EPN1: variants seen among roughly 807,000 people sequenced by gnomAD.
The protein encoded by EPN1 is epsin-1.
A neutral mutation model predicts 56.9 loss-of-function variants in EPN1; 25 were observed. The observed-to-expected ratio is 0.44, with a 90% CI of 0.32 to 0.61. The LOEUF (loss-of-function observed/expected upper bound fraction) is 0.61, where lower values mean the gene tolerates loss of function less well. Ranked by LOEUF, EPN1 falls within the 20% of genes least tolerant of loss-of-function variation. EPN1 has a pLI of 0.05. For synonymous variants in EPN1, 411 were observed against 361.8 expected, an observed-to-expected ratio of 1.14 and a Z score of -1.54; for missense variants, 785 against 823.7, an observed-to-expected ratio of 0.95 and a Z score of 0.58.
Position 55,691,102 on chromosome 19 carries a change from G to A in EPN1, c.763-652G>A, listed in dbSNP as rs974106980. On this transcript the variant is annotated intron_variant, in intron 6 of 10. Transcript: ENST00000270460. The surrounding 1 kb of genome is among the most constrained non-coding windows in gnomAD (Gnocchi z 5.6). ...CGGGCTCTGGTTAGCTGGGCCCGTCGTGTGCCCACTTCCAGAACACAGGAC... is the reference window on the plus strand; with the variant it reads ...CGGGCTCTGGTTAGCTGGGCCCGTCATGTGCCCACTTCCAGAACACAGGAC... Among the ~76,000 whole-genome samples the A allele has an allele frequency of 5.3e-5, 8 of 152,184 alleles. No individual in the cohort carries two copies. Among genetic ancestry groups the A allele is most frequent in the African/African-American group, 1.7e-4 (7 of 41,450 alleles).
At chr19:55,681,192 G>A (rs571499479) in intron 2 of EPN1, among the ~76,000 whole-genome samples, 44 of 152,340 alleles carry the variant, frequency 2.9e-4, no homozygotes, top group Middle Eastern at 3.4e-3. Flanking sequence ...CTCCCTGCAT[G>A]GCCTTGGGGG....
rs1203412218 is a variant in EPN1 at position 55,695,577 on chromosome 19, T to A, written c.*221T>A. 1 of 527,012 alleles carries A rather than the reference T, an allele frequency of 1.9e-6. No individual in the cohort carries two copies. Among genetic ancestry groups the A allele is most frequent in the African/African-American group, 1.9e-5 (1 of 52,166 alleles). The allele number at this position is 527,012 out of a possible 1,614,324, so 32.6% of individuals were successfully genotyped here. ...GGGAGCTGGCCAGAGGAGGACCCCT[T>A]TCCCGTGGCATTAGAAGGGGGAGGG... On this transcript the variant is annotated 3_prime_UTR_variant, in exon 11 of 11. Transcript: ENST00000270460. The surrounding 1 kb of genome is among the most constrained non-coding windows in gnomAD (Gnocchi z 4.4).
intron 7 of EPN1, among the ~76,000 whole-genome samples, chr19:55,692,480 T>C (rs1986623729): frequency 6.9e-6 from 1 of 144,744 alleles, no homozygotes; most frequent in African/African-American, 2.6e-5. Flanking sequence ...GGGAAGCCCC[T>C]CACCCCAGCT....
rs1323034565 is a variant in EPN1 at position 55,706,280 on chromosome 19, C to CTTTTTTTTTTTTTTTTTTTTT, written c.*10926_*10927insTTTTTTTTTTTTTTTTTTTTT. The CTTTTTTTTTTTTTTTTTTTTT allele has an allele frequency of 6.2e-5, 8 of 129,298 alleles. No homozygotes were observed. The highest frequency in any genetic ancestry group is 2.3e-4 in the East Asian group (1 of 4,294). The allele number at this position is 129,298 out of a possible 1,614,324, so 8.0% of individuals were successfully genotyped here. A position where few individuals can be genotyped will look rare whatever the true frequency, so the allele number is the denominator to read the frequency against. ...TTTCTTCCTTTCTTCTCTTTTTCTT[C>CTTTTTTTTTTTTTTTTTTTTT]TTCTTTTTTTTTTTTTTTTAAAAGA... On this transcript the variant is annotated 3_prime_UTR_variant, in exon 11 of 11. Coordinates refer to ENST00000270460, the MANE Select transcript of EPN1 (RefSeq NM_001130072.2).
intron 1 of EPN1, 145 bp from the exon 2 acceptor site, chr19:55,678,376 GAACTGA>G: frequency 1.2e-6 from 1 of 822,844 alleles, no homozygotes; most frequent in Non-Finnish European, 1.8e-6. Context: ...CCTGTTTGAG[GAACTGA>G]AACATGGATG....
chr19:55,701,307 A>C lies in EPN1; in HGVS notation c.*5951A>C, dbSNP rs561449268. 6.6e-6 allele frequency: 1 copy of C among 151,858 alleles called. No individual in the cohort carries two copies. The highest frequency in any genetic ancestry group is 6.6e-5 in the Admixed American group (1 of 15,250). The allele number at this position is 151,858 out of a possible 1,614,324, so 9.4% of individuals were successfully genotyped here. A position where few individuals can be genotyped will look rare whatever the true frequency, so the allele number is the denominator to read the frequency against. On this transcript the variant is annotated 3_prime_UTR_variant, in exon 11 of 11. Coordinates refer to ENST00000270460, the MANE Select transcript of EPN1 (RefSeq NM_001130072.2). ...CTACTAAAAATACAAAAATTAGCCT[A>C]GTGTGGTGGCGGGCACCTGTAATCC...
At chr19:55,693,735 C>T (rs1451593501) in intron 9 of EPN1, among the ~76,000 whole-genome samples, 2 of 152,172 alleles carry the variant, frequency 1.3e-5, no homozygotes, top group African/African-American at 4.8e-5. Flanking sequence ...GTACAGAAAC[C>T]TGTTTCCACT....
rs10638952 is a variant in EPN1, at chr19:55,706,229, C to CTCTT, written c.*10878_*10881dup. On this transcript the variant is annotated 3_prime_UTR_variant, in exon 11 of 11. Transcript: ENST00000270460. ...TTTATTTTTCTTTCTTCCTTTCCTC[C>CTCTT]TCTTTCTTCTCCTTTTTCCTCCTCT... The CTCTT allele has an allele frequency of 0.28, 41,981 of 150,030 alleles. 7,573 individuals carry two copies. The highest frequency in any genetic ancestry group is 0.51 in the African/African-American group (19,920 of 38,984). The allele number at this position is 150,030 out of a possible 1,614,324, so 9.3% of individuals were successfully genotyped here.
In EPN1 at chr19:55,692,749, A is replaced by T. The variant is rs1986651047; in HGVS notation, c.1130A>T (p.Asp377Val). ...TGGACACCGGCCCCGGCCTTCTCAG[A>T]TCCCTGGGGAGGGTCACCTGCCAAG... ...DPWTPAPAFS[D>V]PWGGSPAKPS... Residue 377 changes from aspartate to valine, a missense_variant, in exon 8 of 11, where the codon GAT becomes GTT. Asp to Val is a radical substitution (Grantham distance 152, BLOSUM62 -3). Coordinates refer to ENST00000270460, the MANE Select transcript of EPN1 (RefSeq NM_001130072.2). 6 of 1,583,756 alleles carry T rather than the reference A, an allele frequency of 3.8e-6. No individual in the cohort carries two copies. Among genetic ancestry groups the T allele is most frequent in the Non-Finnish European group, 4.3e-6 (5 of 1,165,662 alleles).
rs1413763632 is a variant in EPN1 at position 55,691,995 on chromosome 19, G to A, written c.1004G>A (p.Gly335Asp). 2.0e-6 allele frequency: 3 copies of A among 1,489,104 alleles called. No individual in the cohort carries two copies. Among genetic ancestry groups the A allele is most frequent in the South Asian group, 2.7e-5 (2 of 73,662 alleles). The allele number at this position is 1,489,104 out of a possible 1,614,324, so 92.2% of individuals were successfully genotyped here. Residue 335 changes from glycine to aspartate, a missense_variant, in exon 7 of 11, where the codon GGT (glycine) becomes GAT (aspartate). This residue lies in a region of EPN1 where 650 missense variants were observed against 605.0 expected (regional missense o/e 1.07). Coordinates refer to ENST00000270460, the MANE Select transcript of EPN1 (RefSeq NM_001130072.2). The surrounding 1 kb of genome is among the most constrained non-coding windows in gnomAD (Gnocchi z 5.6). ...APAGPSVDPW[G>D]GTPAPAAGEG... ...GCAGGACCCTCAGTTGACCCTTGGG[G>A]TGGGACCCCAGCCCCTGCAGCTGGG...
In EPN1 at chr19:55,675,279, C is replaced by G. The variant is rs1046250589; in HGVS notation, c.-258C>G. ...CCCTCCCCCGCCCGGCTCTCCGCGC[C>G]CCTTCTGGGCGGCGGGGCGGCGGAG... is the stretch of plus-strand genomic sequence containing the variant. On this transcript the variant is annotated 5_prime_UTR_variant, in exon 1 of 11. Coordinates refer to ENST00000270460, the MANE Select transcript of EPN1 (RefSeq NM_001130072.2). 3 of 152,046 alleles carry G rather than the reference C, an allele frequency of 2.0e-5. No individual in the cohort carries two copies. The highest frequency in any genetic ancestry group is 4.4e-5 in the Non-Finnish European group (3 of 67,964). The allele number at this position is 152,046 out of a possible 1,614,324, so 9.4% of individuals were successfully genotyped here.
Position 55,688,873 on chromosome 19 carries a change from C to G in EPN1, c.482C>G (p.Ser161Ter). ...KEKLAQTATA[S>*]SAAVGSGPPP... Reference sequence around the variant, plus strand: ...GCGTTTCTCACCCGCCCTCCAGCCTCATCAGCAGCTGTGGGCTCAGGCCCC... The same window carrying G: ...GCGTTTCTCACCCGCCCTCCAGCCTGATCAGCAGCTGTGGGCTCAGGCCCC... The change falls in exon 4 of 11, where the codon TCA becomes TGA. Residue 161 changes from serine to a stop codon, truncating the protein, a stop_gained. Transcript: ENST00000270460. LOFTEE classifies it high-confidence loss of function. The G allele has an allele frequency of 1.3e-6, 2 of 1,577,502 alleles. No homozygotes were observed. Among genetic ancestry groups the G allele is most frequent in the Non-Finnish European group, 1.7e-6 (2 of 1,161,874 alleles).
intron 2 of EPN1, among the ~76,000 whole-genome samples, chr19:55,679,798 G>A (rs2122164991): frequency 6.6e-6 from 1 of 152,336 alleles, no homozygotes; most frequent in African/African-American, 2.4e-5. Context: ...CCAGGATTGG[G>A]TTGAGTCATA....
chr19:55,689,149 C>T lies in EPN1; in HGVS notation c.604-148C>T, dbSNP rs1463991685. 1.6e-5 allele frequency: 19 copies of T among 1,158,756 alleles called. No homozygotes were observed. Among genetic ancestry groups the T allele is most frequent in the Non-Finnish European group, 2.1e-5 (17 of 827,064 alleles). 71.8% of individuals were successfully genotyped at this position (1,158,756 alleles called of 1,614,324 possible). ...CAGTCCTGCCTCATCCTCACCCCGC[C>T]GTCCCTCTGCGTGTCACTCTCTGCC... On this transcript the variant is annotated intron_variant, in intron 4 of 10. Transcript: ENST00000270460. The surrounding 1 kb of genome is among the most constrained non-coding windows in gnomAD (Gnocchi z 5.7).
chr19:55,679,676 C>G (rs1236774162), intron 2 of EPN1, among the ~76,000 whole-genome samples: 14 of 152,292 alleles, frequency 9.2e-5, no homozygotes. Flanking sequence ...GAGGGTGGTT[C>G]CCTCCACTCA....
chr19:55,682,919 G>T (rs919113479), intron 2 of EPN1, among the ~76,000 whole-genome samples: 11 of 152,010 alleles, frequency 7.2e-5, no homozygotes, highest in Non-Finnish European at 1.6e-4. Flanking sequence ...ACCACGCCTG[G>T]CTAATTTTTG....
rs1259282713 is a variant in EPN1, at chr19:55,697,061, A to G, written c.*1705A>G. On this transcript the variant is annotated 3_prime_UTR_variant, in exon 11 of 11. Coordinates refer to ENST00000270460, the MANE Select transcript of EPN1 (RefSeq NM_001130072.2). The stretch of plus-strand genomic sequence containing the variant: ...AGAGGAGCATCCCCCTTGCTTAGCC[A>G]GGGAGGGGAAGCCCTCTTCTCACAC... 1 of 152,190 alleles carries G rather than the reference A, an allele frequency of 6.6e-6. No homozygotes were observed. The highest frequency in any genetic ancestry group is 2.4e-5 in the African/African-American group (1 of 41,444). 9.4% of individuals were successfully genotyped at this position (152,190 alleles called of 1,614,324 possible).
intron 6 of EPN1, 73 bp downstream of exon 6, chr19:55,690,023 C>A: frequency 1.4e-6 from 2 of 1,386,364 alleles, no homozygotes; most frequent in African/African-American, 1.4e-5. Flanking sequence ...TCCTGCGTGG[C>A]CAGGTCCCTG....
At position 55,689,419 on chromosome 19, in the gene EPN1, A is replaced by T; in HGVS notation, c.678+48A>T. 1 of 1,444,100 alleles carries T rather than the reference A, an allele frequency of 6.9e-7. No individual in the cohort carries two copies. The highest frequency in any genetic ancestry group is 9.5e-7 in the Non-Finnish European group (1 of 1,050,312). The allele number at this position is 1,444,100 out of a possible 1,614,324, so 89.5% of individuals were successfully genotyped here. The stretch of plus-strand genomic sequence containing the variant: ...TGCCCCTGCCAGGGGCTCCCCTCAG[A>T]CCAGCCCCGTCGCCCCTTCCTAAGT... On this transcript the variant is annotated intron_variant, in intron 5 of 10. Coordinates refer to ENST00000270460, the MANE Select transcript of EPN1 (RefSeq NM_001130072.2). The surrounding 1 kb of genome is among the most constrained non-coding windows in gnomAD (Gnocchi z 5.7).
Sources: gnomAD v4.1 joint callset for allele counts (sites outside exome capture counted in the v4.1 genomes callset) on GRCh38, gnomAD v4.1.1 for gene constraint, gnomAD v4.1.1 regional missense constraint, Gnocchi (gnomAD v3.1) non-coding constraint, MANE v1.5 for transcripts, NCBI Gene and HGNC (gene_info 2026-07-23, HGNC 2026-07-21) for gene names.